Variants in RAD52 observed in about 807,000 individuals in gnomAD.
The protein encoded by RAD52 is RAD52 DNA repair protein.
Under a neutral mutation model 55.5 loss-of-function variants are expected in RAD52, and 47 were observed. That is an observed-to-expected ratio of 0.85 (90% CI 0.67 to 1.08). RAD52 has a LOEUF of 1.08. RAD52 is among the 50% of genes least tolerant of loss of function. RAD52 has a pLI of 0.00. For missense variants in RAD52, 468 were observed against 522.8 expected (o/e 0.90, Z 1.02); for synonymous variants, 184 against 198.9 (o/e 0.92, Z 0.63).
chr12:990,818 A>G (rs367711587), upstream of RAD52, among the ~76,000 whole-genome samples: 7 of 151,544 alleles, frequency 4.6e-5, no homozygotes, highest in African/African-American at 9.7e-5. Flanking sequence ...TTGGGAAGAC[A>G]CGAAGCGGCT....
intron 1 of RAD52, among the ~76,000 whole-genome samples, chr12:977,366 G>A (rs1357540844): frequency 6.6e-6 from 1 of 152,136 alleles, no homozygotes; most frequent in Non-Finnish European, 1.5e-5. Context: ...TTGGTCTAGT[G>A]CCCCCAGAGG....
chr12:921,836 G>T (rs1474767991), intron 7 of RAD52, among the ~76,000 whole-genome samples: 3 of 151,808 alleles, frequency 2.0e-5, no homozygotes, highest in African/African-American at 4.8e-5. Context: ...CTGGGTGCGG[G>T]GGCTCACACC....
chr12:964,437 G>A (rs532132702), intron 1 of RAD52, among the ~76,000 whole-genome samples: 168 of 151,456 alleles, frequency 1.1e-3, no homozygotes, highest in African/African-American at 4.0e-3. Flanking sequence ...GTGTGGTGGT[G>A]TGTGCCTGTA....
chr12:962,986 A>C (rs1958708830), intron 1 of RAD52, among the ~76,000 whole-genome samples: 1 of 152,198 alleles, frequency 6.6e-6, no homozygotes, highest in Non-Finnish European at 1.5e-5. Context: ...TCTTGGCTTC[A>C]AACAATCCTT....
intron 1 of RAD52, chr12:976,778 A>T (rs1958939901): frequency 6.6e-6 from 1 of 152,238 alleles, no homozygotes. Context: ...ATTTTAGGGT[A>T]ATCTGTCTTC....
intron 3 of RAD52, 82 bp from the exon 4 acceptor site, chr12:930,226 TTCC>T: frequency 8.9e-7 from 1 of 1,129,528 alleles, no homozygotes; most frequent in South Asian, 1.5e-5. Flanking sequence ...ACATAATTTA[TTCC>T]TCATCTACTT....
At chr12:916,174 T>C in intron 9 of RAD52, 170 bp downstream of exon 9, 1 of 1,379,972 alleles carries the variant, frequency 7.2e-7, no homozygotes, top group Non-Finnish European at 9.4e-7. Context: ...TACAGCAGAT[T>C]TAAATATCTG....
At chr12:978,554 A>C (rs1257130687) in intron 1 of RAD52, among the ~76,000 whole-genome samples, 1 of 151,894 alleles carries the variant, frequency 6.6e-6, no homozygotes, top group Non-Finnish European at 1.5e-5. Flanking sequence ...TAATCCTAGC[A>C]TTTTGGGAGT....
At chr12:939,737 A>G (rs1361412413) in intron 1 of RAD52, among the ~76,000 whole-genome samples, 2 of 152,242 alleles carry the variant, frequency 1.3e-5, no homozygotes, top group Admixed American at 1.3e-4. Flanking sequence ...CTTTAAGGAC[A>G]GCAAAGAGGG....
chr12:916,514 T>A, intron 8 of RAD52, 31 bp from the exon 9 acceptor site: 1 of 1,606,198 alleles, frequency 6.2e-7, no homozygotes, highest in Non-Finnish European at 8.5e-7. Context: ...GAGGACGGGC[T>A]CCTGAGCAAC....
chr12:979,231 G>A (rs780914774), intron 1 of RAD52, among the ~76,000 whole-genome samples: 1 of 152,092 alleles, frequency 6.6e-6, no homozygotes, highest in Non-Finnish European at 1.5e-5. Flanking sequence ...TCTGAGCTTA[G>A]GAGTTCAAGA....
chr12:919,985 G>C (rs1385202144), intron 7 of RAD52, among the ~76,000 whole-genome samples: 1 of 115,590 alleles, frequency 8.7e-6, no homozygotes, highest in African/African-American at 3.6e-5. Context: ...CTGGGAGGCA[G>C]AGATGGCAGT....
At chr12:958,080 AG>A (rs1332305911) in intron 1 of RAD52, among the ~76,000 whole-genome samples, 1 of 152,180 alleles carries the variant, frequency 6.6e-6, no homozygotes, top group Non-Finnish European at 1.5e-5. Context: ...CCCAGAGGTA[AG>A]GGGGCTCCGG....
chr12:920,596 T>C (rs986087272), intron 7 of RAD52, among the ~76,000 whole-genome samples: 4 of 150,514 alleles, frequency 2.7e-5, no homozygotes, highest in Non-Finnish European at 5.9e-5. Context: ...ACCAAGAAGA[T>C]ATAACAATTA....
At chr12:914,676 A>G in intron 9 of RAD52, 144 bp from the exon 10 acceptor site, 1 of 932,412 alleles carries the variant, frequency 1.1e-6, no homozygotes, top group Non-Finnish European at 1.6e-6. Context: ...CTGCCAGTAA[A>G]AAGAACTTCA....
At chr12:977,655 G>A (rs991326514) in intron 1 of RAD52, among the ~76,000 whole-genome samples, 7 of 152,210 alleles carry the variant, frequency 4.6e-5, no homozygotes, top group Admixed American at 3.9e-4. Context: ...AACACCAGTA[G>A]GTAACGGGGA....
chr12:950,082 T>C (rs1298694283), upstream of RAD52, among the ~76,000 whole-genome samples: 9 of 152,132 alleles, frequency 5.9e-5, no homozygotes, highest in Non-Finnish European at 1.2e-4. Flanking sequence ...CCATGCACAA[T>C]TGGGAAAATC....
intron 1 of RAD52, among the ~76,000 whole-genome samples, chr12:959,319 A>G (rs1462014168): frequency 6.6e-6 from 1 of 152,210 alleles, no homozygotes; most frequent in Non-Finnish European, 1.5e-5. Flanking sequence ...TTATGGTTAA[A>G]TCTATAATTT....
upstream of RAD52, among the ~76,000 whole-genome samples, chr12:950,752 C>T (rs1422513127): frequency 6.6e-6 from 1 of 151,608 alleles, no homozygotes; most frequent in Non-Finnish European, 1.5e-5. Context: ...TTTCAACTTA[C>T]TCTCTTAGAA....
Sources: gnomAD v4.1 joint callset for allele counts (sites outside exome capture counted in the v4.1 genomes callset) on GRCh38, gnomAD v4.1.1 for gene constraint, MANE v1.5 for transcripts, NCBI Gene and HGNC (gene_info 2026-07-23, HGNC 2026-07-21) for gene names.